The following MYO1F variants were observed in gnomAD, a reference collection of about 807,000 sequenced individuals.
The protein encoded by MYO1F is myosin IF.
A neutral mutation model predicts 146.6 loss-of-function variants in MYO1F; 60 were observed. That is an observed-to-expected ratio of 0.41 (90% CI 0.33 to 0.51). The LOEUF is 0.51. MYO1F is among the 20% of genes least tolerant of loss of function. MYO1F has a pLI of 0.25. For missense variants in MYO1F, 1,274 were observed against 1,534.3 expected (o/e 0.83, Z 2.83); for synonymous variants, 602 against 602.1 (o/e 1.00, Z 0.00).
At chr19:8,575,001 C>G (rs1555733446) in intron 1 of MYO1F, among the ~76,000 whole-genome samples, 12 of 151,842 alleles carry the variant, frequency 7.9e-5, no homozygotes, top group Non-Finnish European at 1.8e-4. Context: ...GGTGATCCGC[C>G]CACCTCGGCC....
At chr19:8,529,009 A>C (rs903074681) in intron 21 of MYO1F, among the ~76,000 whole-genome samples, 1 of 152,156 alleles carries the variant, frequency 6.6e-6, no homozygotes, top group Admixed American at 6.6e-5. Flanking sequence ...AGGTCACCTG[A>C]GAGGGCATAC....
At chr19:8,544,246 C>G in intron 14 of MYO1F, 51 bp downstream of exon 14, 1 of 1,601,828 alleles carries the variant, frequency 6.2e-7, no homozygotes, top group Non-Finnish European at 8.5e-7. Flanking sequence ...CAGCCTGGAG[C>G]CCTGGGGGTC....
chr19:8,574,677 TTC>T (rs1475714031), intron 1 of MYO1F, among the ~76,000 whole-genome samples: 75 of 137,332 alleles, frequency 5.5e-4, no homozygotes, highest in Admixed American at 5.3e-3. Flanking sequence ...CTCTCTTTCT[TTC>T]TTTCTTCCTT....
intron 9 of MYO1F, 69 bp from the exon 10 acceptor site, chr19:8,550,425 C>T (rs1030334721): frequency 5.2e-5 from 82 of 1,584,896 alleles, no homozygotes; most frequent in Non-Finnish European, 6.6e-5. Flanking sequence ...GCATGGGCCT[C>T]CTATTATCCC....
intron 25 of MYO1F, chr19:8,525,085 AG>A: frequency 5.7e-6 from 1 of 176,718 alleles, no homozygotes; most frequent in South Asian, 1.3e-4. Flanking sequence ...CTGTAATCTC[AG>A]CTACTCGGGA....
Position 8,551,764 on chromosome 19 carries a change from G to A in MYO1F, c.747C>T (p.Asp249=). 1 of 1,614,156 alleles carries A rather than the reference G, an allele frequency of 6.2e-7. No individual in the cohort carries two copies. The highest frequency in any genetic ancestry group is 8.5e-7 in the Non-Finnish European group (1 of 1,180,038). The change falls in exon 8 of 28, where the codon GAC becomes GAT. Residue 249 remains aspartate (D), a synonymous_variant. Transcript: ENST00000644032. ...CCAGAGTCTCACCAAAGTCGCTTCTGTCGTCCGTGCCGTCCACCTGGTAGG... is the reference window on the plus strand; with the variant it reads ...CCAGAGTCTCACCAAAGTCGCTTCTATCGTCCGTGCCGTCCACCTGGTAGG... ...SDTYQVDGTD[D]RSDFGETLSA...
At chr19:8,554,310 T>A (rs1275472557) in intron 4 of MYO1F, among the ~76,000 whole-genome samples, 167 bp downstream of exon 4, 1 of 151,920 alleles carries the variant, frequency 6.6e-6, no homozygotes, top group Non-Finnish European at 1.5e-5. Flanking sequence ...ATCAATAAAA[T>A]ACATCGTGAG....
intron 9 of MYO1F, 98 bp from the exon 10 acceptor site, chr19:8,550,454 C>T: frequency 1.3e-6 from 2 of 1,599,746 alleles, no homozygotes; most frequent in Middle Eastern, 1.7e-4. Context: ...CCAGTGACAC[C>T]CACATTTTTT....
intron 1 of MYO1F, among the ~76,000 whole-genome samples, chr19:8,563,471 G>C (rs2041944245): frequency 6.7e-6 from 1 of 150,122 alleles, no homozygotes; most frequent in Non-Finnish European, 1.5e-5. Context: ...CTAACGTTTT[G>C]TAATTTTAGT....
chr19:8,535,685 C>CT (rs543450885), intron 19 of MYO1F, among the ~76,000 whole-genome samples: 5,040 of 145,694 alleles, frequency 0.035, 174 homozygotes, highest in African/African-American at 0.094. Flanking sequence ...TTCTTTCTTT[C>CT]TTTTTTTTTT....
chr19:8,577,262 G>A lies in MYO1F; in HGVS notation c.3+45C>T. ...TTTAGGACACCTCCACCTGGCTGGTGTCCCTCCTCTTTCTTCTTCCAGATC... is the reference window on the plus strand; with the variant it reads ...TTTAGGACACCTCCACCTGGCTGGTATCCCTCCTCTTTCTTCTTCCAGATC... On this transcript the variant is annotated intron_variant, in intron 1 of 27. Coordinates refer to ENST00000644032, the MANE Select transcript of MYO1F (RefSeq NM_012335.4). The surrounding 1 kb of genome is among the most constrained non-coding windows in gnomAD (Gnocchi z 4.3). 6.2e-7 allele frequency: 1 copy of A among 1,610,878 alleles called. No homozygotes were observed.
At chr19:8,526,281 C>G (rs1289168082) in intron 24 of MYO1F, among the ~76,000 whole-genome samples, 172 bp downstream of exon 24, 3 of 152,132 alleles carry the variant, frequency 2.0e-5, no homozygotes, top group African/African-American at 7.2e-5. Flanking sequence ...GAGCCAAGAT[C>G]GTGCCACAAC....
At chr19:8,537,276 A>T (rs538876705) in intron 16 of MYO1F, among the ~76,000 whole-genome samples, 1 of 152,114 alleles carries the variant, frequency 6.6e-6, no homozygotes, top group Admixed American at 6.5e-5. Flanking sequence ...CTGACCCTGG[A>T]ACCCAAGACA....
chr19:8,547,996 C>CCCCCCCCGCG, intron 12 of MYO1F, 40 bp downstream of exon 12: 1 of 1,100,026 alleles, frequency 9.1e-7, no homozygotes, highest in Non-Finnish European at 1.4e-6. Flanking sequence ...ACCCCACCCC[C>CCCCCCCCGCG]ACCCCAGGAT....
At chr19:8,550,059 C>G in intron 10 of MYO1F, 101 bp downstream of exon 10, 2 of 1,380,314 alleles carry the variant, frequency 1.4e-6, no homozygotes, top group South Asian at 1.2e-5. Context: ...CTCAGCCACC[C>G]AAAGCATTGG....
At chr19:8,550,449 G>A in intron 9 of MYO1F, 93 bp from the exon 10 acceptor site, 1 of 1,595,470 alleles carries the variant, frequency 6.3e-7, no homozygotes, top group Admixed American at 1.8e-5. Context: ...CTTGCCCAGT[G>A]ACACCCACAT....
intron 25 of MYO1F, among the ~76,000 whole-genome samples, chr19:8,523,988 G>C (rs1266948367): frequency 1.3e-5 from 2 of 151,714 alleles, no homozygotes; most frequent in East Asian, 3.9e-4. Flanking sequence ...GCATGATGGC[G>C]TGTGCCTGTA....
chr19:8,547,996 C>CCCCCCCCGGT, intron 12 of MYO1F, 40 bp downstream of exon 12: 1 of 1,100,024 alleles, frequency 9.1e-7, no homozygotes, highest in Non-Finnish European at 1.4e-6. Flanking sequence ...ACCCCACCCC[C>CCCCCCCCGGT]ACCCCAGGAT....
chr19:8,563,380 C>T (rs902528207), intron 1 of MYO1F, among the ~76,000 whole-genome samples: 1 of 151,580 alleles, frequency 6.6e-6, no homozygotes, highest in African/African-American at 2.4e-5. Context: ...TCACTGCAAC[C>T]TCTGCTTCCC....
Sources: gnomAD v4.1 joint callset for allele counts (sites outside exome capture counted in the v4.1 genomes callset) on GRCh38, gnomAD v4.1.1 for gene constraint, Gnocchi (gnomAD v3.1) non-coding constraint, MANE v1.5 for transcripts, NCBI Gene and HGNC (gene_info 2026-07-23, HGNC 2026-07-21) for gene names.